Variants in COL25A1 observed in about 807,000 individuals in gnomAD.
COL25A1 encodes the protein collagen alpha-1(XXV) chain.
Under a neutral mutation model 128.4 loss-of-function variants are expected in COL25A1, and 103 were observed. The observed-to-expected ratio is 0.80, with a 90% CI of 0.68 to 0.94. The LOEUF is 0.94. Among genes scored for constraint, COL25A1 ranks in the 40% least tolerant of loss-of-function variants. The pLI, the probability that COL25A1 is intolerant of heterozygous loss-of-function variation, is 0.00. For synonymous variants in COL25A1, 279 were observed against 277.2 expected, an observed-to-expected ratio of 1.01 and a Z score of -0.06; for missense variants, 745 against 840.0, an observed-to-expected ratio of 0.89 and a Z score of 1.40.
At position 108,901,149 on chromosome 4, in the gene COL25A1, T is replaced by C; in HGVS notation, c.804A>G (p.Ala268=). The C allele has an allele frequency of 1.2e-6, 2 of 1,612,670 alleles. No homozygotes were observed. Among genetic ancestry groups the C allele is most frequent in the South Asian group, 1.1e-5 (1 of 90,996 alleles). Residue 268 remains alanine, a synonymous_variant, in exon 14 of 38, where the codon GCA becomes GCG. Coordinates refer to ENST00000399132, the MANE Select transcript of COL25A1 (RefSeq NM_198721.4). Reference sequence around the variant, plus strand: ...GTCCTGGTATTCCATTCTGTCCTACTGCTCCAGGCAACCCGGGCTCACCCT... The same window carrying C: ...GTCCTGGTATTCCATTCTGTCCTACCGCTCCAGGCAACCCGGGCTCACCCT... ...GQKGEPGLPG[A]VGQNGIPGPK...
intron 11 of COL25A1, among the ~76,000 whole-genome samples, chr4:108,921,202 A>G (rs1024297774): frequency 1.3e-5 from 2 of 152,198 alleles, no homozygotes; most frequent in African/African-American, 2.4e-5. Flanking sequence ...GATGCTGTCA[A>G]TTGTTTCTTA....
chr4:109,092,273 C>G (rs1764982787), intron 3 of COL25A1, among the ~76,000 whole-genome samples: 1 of 152,112 alleles, frequency 6.6e-6, no homozygotes, highest in African/African-American at 2.4e-5. Flanking sequence ...GCCAGGAATT[C>G]AAGACCAGCC....
chr4:109,289,148 G>C (rs889503522), intron 3 of COL25A1, among the ~76,000 whole-genome samples: 6 of 151,948 alleles, frequency 3.9e-5, no homozygotes, highest in African/African-American at 1.4e-4. Flanking sequence ...GATTCTTTGA[G>C]AGCTGTTTTA....
intron 5 of COL25A1, among the ~76,000 whole-genome samples, chr4:109,012,947 A>G (rs919895632): frequency 7.9e-5 from 12 of 152,240 alleles, no homozygotes; most frequent in African/African-American, 2.7e-4. Flanking sequence ...GTCAGGTGGG[A>G]ACTTGGAGAA....
chr4:109,150,426 G>A (rs1029585002), intron 3 of COL25A1, among the ~76,000 whole-genome samples: 1 of 152,094 alleles, frequency 6.6e-6, no homozygotes, highest in Non-Finnish European at 1.5e-5. Flanking sequence ...AAGAAAATGG[G>A]AATTTATACA....
At chr4:109,213,587 C>A (rs1777757738) in intron 3 of COL25A1, among the ~76,000 whole-genome samples, 1 of 152,160 alleles carries the variant, frequency 6.6e-6, no homozygotes, top group Non-Finnish European at 1.5e-5. Flanking sequence ...CAGTTAACAG[C>A]ACCAACTTAC....
Position 109,130,718 on chromosome 4 carries a change from T to C in COL25A1, c.368-80539A>G, listed in dbSNP as rs925585271. Among the ~76,000 whole-genome samples the C allele has an allele frequency of 2.0e-5, 3 of 152,198 alleles. No homozygotes were observed. The South Asian group carries it at 6.2e-4, about 31-fold the overall frequency. ...TGAGCAAAAGCATGGGTAGTTTCAA[T>C]GGGTCAATATCTGGCAAGAAAGAGG... On this transcript the variant is annotated intron_variant, in intron 3 of 37. Coordinates refer to ENST00000399132, the MANE Select transcript of COL25A1 (RefSeq NM_198721.4).
intron 3 of COL25A1, among the ~76,000 whole-genome samples, chr4:109,279,919 C>T (rs1723204268): frequency 6.6e-6 from 1 of 152,088 alleles, no homozygotes. Flanking sequence ...CATGAACAGT[C>T]TGCTCTAATA....
chr4:109,019,367 CACACACACATATATATATAT>C (rs1757500375), intron 5 of COL25A1, among the ~76,000 whole-genome samples: 2 of 110,638 alleles, frequency 1.8e-5, no homozygotes, highest in African/African-American at 2.7e-5. Flanking sequence ...CACACACACA[CACACACACATATATATATAT>C]ATATATATAT....
At chr4:109,155,853 C>A (rs1442476741) in intron 3 of COL25A1, among the ~76,000 whole-genome samples, 2 of 152,084 alleles carry the variant, frequency 1.3e-5, no homozygotes, top group Admixed American at 6.6e-5. Context: ...TGCTTTTGGA[C>A]AAACTGAATC....
intron 8 of COL25A1, among the ~76,000 whole-genome samples, chr4:108,950,409 CA>C: frequency 6.6e-6 from 1 of 152,278 alleles, no homozygotes; most frequent in East Asian, 1.9e-4. Flanking sequence ...TGAAGCACTA[CA>C]CAGAAGTAGC....
At chr4:109,011,543 C>G (rs1212608130) in intron 5 of COL25A1, among the ~76,000 whole-genome samples, 1 of 152,192 alleles carries the variant, frequency 6.6e-6, no homozygotes, top group Non-Finnish European at 1.5e-5. Flanking sequence ...TAATTCCTTA[C>G]CAAGTGCCAG....
intron 3 of COL25A1, among the ~76,000 whole-genome samples, chr4:109,254,469 T>TTATATATATA (rs55997800): frequency 0.012 from 704 of 59,374 alleles, 13 homozygotes; most frequent in Non-Finnish European, 0.013. Context: ...AGGCATATGT[T>TTATATATATA]TATATATATA....
intron 16 of COL25A1, among the ~76,000 whole-genome samples, chr4:108,893,317 C>T (rs568522139): frequency 1.9e-4 from 29 of 152,262 alleles, no homozygotes; most frequent in African/African-American, 6.7e-4. Context: ...ATTTAGTGTG[C>T]AGCACAAATA....
intron 8 of COL25A1, among the ~76,000 whole-genome samples, chr4:108,973,522 G>A (rs1436415942): frequency 6.6e-6 from 1 of 152,196 alleles, no homozygotes; most frequent in East Asian, 1.9e-4. Flanking sequence ...ACTAAGCACA[G>A]TGAATTTTAC....
At chr4:109,187,000 AG>A (rs1432737488) in intron 3 of COL25A1, among the ~76,000 whole-genome samples, 4 of 152,242 alleles carry the variant, frequency 2.6e-5, no homozygotes, top group East Asian at 3.8e-4. Flanking sequence ...TCATTGTTAC[AG>A]GGAACAACCC....
rs530620467 is a variant in COL25A1, at chr4:108,827,185, C to T, written c.1714G>A (p.Glu572Lys). The T allele has an allele frequency of 5.6e-6, 9 of 1,613,744 alleles. No individual in the cohort carries two copies. Among genetic ancestry groups the T allele is most frequent in the Admixed American group, 3.3e-5 (2 of 59,964 alleles). The change falls in exon 33 of 38, where the codon GAA becomes AAA. Residue 572 changes from glutamate to lysine, a missense_variant. Glu to Lys is a moderately conservative substitution (Grantham distance 56, BLOSUM62 1). This residue lies in a region of COL25A1 where 387 missense variants were observed against 441.9 expected (regional missense o/e 0.88). Coordinates refer to ENST00000399132, the MANE Select transcript of COL25A1 (RefSeq NM_198721.4). ...CCAGGCTCTCCCATAGCTCCTTTTTCACCCTAAAATGAAAAGTAGAAAGTT... is the reference window on the plus strand; with the variant it reads ...CCAGGCTCTCCCATAGCTCCTTTTTTACCCTAAAATGAAAAGTAGAAAGTT... Reference protein sequence around the residue: ...GPAGPKGERGEKGAMGEPGPR... With the variant: ...GPAGPKGERGKKGAMGEPGPR...
chr4:109,204,450 T>C (rs1263533821), intron 3 of COL25A1, among the ~76,000 whole-genome samples: 2 of 151,960 alleles, frequency 1.3e-5, no homozygotes, highest in Admixed American at 1.3e-4. Flanking sequence ...AAATGGCCTA[T>C]ATAATAGGCA....
intron 3 of COL25A1, among the ~76,000 whole-genome samples, chr4:109,158,586 G>A (rs1049556316): frequency 2.0e-5 from 3 of 152,182 alleles, no homozygotes; most frequent in African/African-American, 7.2e-5. Context: ...AGAAGACTAA[G>A]TCGTGGCCCT....
Sources: gnomAD v4.1 joint callset for allele counts (sites outside exome capture counted in the v4.1 genomes callset) on GRCh38, gnomAD v4.1.1 for gene constraint, gnomAD v4.1.1 regional missense constraint, MANE v1.5 for transcripts, NCBI Gene and HGNC (gene_info 2026-07-23, HGNC 2026-07-21) for gene names.